PCDHA9: variants seen among roughly 807,000 people sequenced by gnomAD.
PCDHA9 encodes protocadherin alpha 9, also known as protocadherin alpha-9.
Under a neutral mutation model 62.0 loss-of-function variants are expected in PCDHA9, and 62 were observed. The ratio of observed to expected loss-of-function variants is 1.00; its 90% CI spans 0.81 to 1.23. PCDHA9 has a LOEUF of 1.23. PCDHA9 is among the 50% of genes most tolerant of loss of function. The pLI is 0.00. For synonymous variants in PCDHA9, 557 were observed against 567.6 expected, an observed-to-expected ratio of 0.98 and a Z score of 0.27; for missense variants, 1,205 against 1,249.8, an observed-to-expected ratio of 0.96 and a Z score of 0.54.
chr5:140,877,341 C>G, intron 1 of PCDHA9: 3 of 1,614,010 alleles, frequency 1.9e-6, no homozygotes, highest in South Asian at 2.2e-5. Flanking sequence ...TCCCGTTCCA[C>G]GTGGGGCTGT....
chr5:140,927,848 G>A (rs1295513512), intron 1 of PCDHA9: 3 of 1,614,062 alleles, frequency 1.9e-6, no homozygotes, highest in Non-Finnish European at 2.5e-6. Context: ...GGTGTCTTTG[G>A]TTTAGCTAGC....
intron 1 of PCDHA9, among the ~76,000 whole-genome samples, chr5:140,871,977 C>T (rs533366368): frequency 6.6e-6 from 1 of 152,288 alleles, no homozygotes; most frequent in East Asian, 1.9e-4. Flanking sequence ...CTATGATGTC[C>T]AGGTTGGACT....
At chr5:140,927,366 A>C in intron 1 of PCDHA9, 1 of 1,614,088 alleles carries the variant, frequency 6.2e-7, no homozygotes, top group Non-Finnish European at 8.5e-7. Context: ...GCAATGGGAT[A>C]CTAAGCTACA....
At chr5:140,962,770 G>A (rs1387109570) in intron 1 of PCDHA9, among the ~76,000 whole-genome samples, 1 of 152,164 alleles carries the variant, frequency 6.6e-6, no homozygotes, top group Admixed American at 6.5e-5. Flanking sequence ...TTTTTAACAA[G>A]ATGGAATTTT....
At chr5:140,918,941 T>C (rs1476342004) in intron 1 of PCDHA9, among the ~76,000 whole-genome samples, 1 of 152,228 alleles carries the variant, frequency 6.6e-6, no homozygotes, top group East Asian at 1.9e-4. Context: ...TTTGTTATAA[T>C]ATCCTGAACA....
intron 1 of PCDHA9, among the ~76,000 whole-genome samples, chr5:140,890,901 T>C (rs1583031993): frequency 6.6e-6 from 1 of 152,194 alleles, no homozygotes; most frequent in Admixed American, 6.5e-5. Flanking sequence ...TGTCTTTCCA[T>C]GTTAGAATAA....
chr5:140,967,485 C>A lies in PCDHA9; in HGVS notation c.2395-11464C>A, dbSNP rs781948599. 3.7e-6 allele frequency: 6 copies of A among 1,613,056 alleles called. No homozygotes were observed. In the South Asian group the frequency reaches 6.6e-5, roughly 18 times the overall value. On this transcript the variant is annotated intron_variant, in intron 1 of 3. Coordinates refer to ENST00000532602, the MANE Select transcript of PCDHA9 (RefSeq NM_031857.2). ...GGGGGCATCCCAGCCCGCTCGGGTA[C>A]GGCACAGATCTCTGTGCGTGTCCTG...
intron 1 of PCDHA9, chr5:140,870,708 C>A (rs781841032): frequency 1.9e-6 from 3 of 1,613,016 alleles, no homozygotes; most frequent in East Asian, 4.5e-5. Context: ...TCCAGGTGAG[C>A]GCGCGCGATG....
rs201945218 is a variant in PCDHA9 at position 140,849,444 on chromosome 5, A to C, written c.949A>C (p.Lys317Gln). Residue 317 changes from lysine to glutamine, a missense_variant, in exon 1 of 4, where the codon AAG becomes CAG. This residue lies in a region of PCDHA9 where 110 missense variants were observed against 227.2 expected (regional missense o/e 0.48). Transcript: ENST00000532602. Reference sequence around the variant, plus strand: ...GGATTTTGAAGAAAGTAGAGCACACAAGATCCCAGTCGAGGCTGTCGATAA... The same window carrying C: ...GGATTTTGAAGAAAGTAGAGCACACCAGATCCCAGTCGAGGCTGTCGATAA... Reference protein sequence around the residue: ...HMDFEESRAHKIPVEAVDKGF... With the variant: ...HMDFEESRAHQIPVEAVDKGF... The C allele has an allele frequency of 1.8e-4, 290 of 1,585,348 alleles. 21 individuals carry two copies. The highest frequency in any genetic ancestry group is 2.4e-4 in the Non-Finnish European group (278 of 1,160,480).
chr5:140,941,939 T>C (rs2153657014), intron 1 of PCDHA9, among the ~76,000 whole-genome samples: 1 of 152,358 alleles, frequency 6.6e-6, no homozygotes, highest in African/African-American at 2.4e-5. Context: ...TTTGAATTAC[T>C]TTTGTTTTGA....
intron 1 of PCDHA9, chr5:140,927,285 G>T: frequency 1.9e-6 from 3 of 1,614,154 alleles, no homozygotes; most frequent in Non-Finnish European, 2.5e-6. Context: ...ACGTGCAGCT[G>T]CACATCCCCG....
chr5:140,882,775 C>G, intron 1 of PCDHA9: 10 of 1,614,220 alleles, frequency 6.2e-6, no homozygotes, highest in Non-Finnish European at 8.5e-6. Flanking sequence ...CGGCATTGAC[C>G]TACCGACTGG....
intron 3 of PCDHA9, among the ~76,000 whole-genome samples, chr5:140,990,589 C>G (rs1208213426): frequency 6.6e-6 from 1 of 152,196 alleles, no homozygotes; most frequent in African/African-American, 2.4e-5. Flanking sequence ...TTCCTATAAT[C>G]ACCTGGAGTC....
intron 1 of PCDHA9, chr5:140,928,055 C>T (rs1554205406): frequency 8.1e-6 from 13 of 1,614,066 alleles, no homozygotes; most frequent in South Asian, 3.3e-5. Context: ...TTTCAGCTGA[C>T]GGCTTCCTTT....
At chr5:140,978,520 C>T (rs2096807249) in intron 1 of PCDHA9, among the ~76,000 whole-genome samples, 1 of 152,214 alleles carries the variant, frequency 6.6e-6, no homozygotes, top group Non-Finnish European at 1.5e-5. Flanking sequence ...GCAGTCCAGC[C>T]AGGCCAGCAG....
chr5:140,935,045 G>T (rs1382389528), intron 1 of PCDHA9, among the ~76,000 whole-genome samples: 1 of 151,952 alleles, frequency 6.6e-6, no homozygotes, highest in Non-Finnish European at 1.5e-5. Flanking sequence ...TTGATTTCTG[G>T]TATTACAAGA....
At chr5:140,895,863 G>A (rs1450764434) in intron 1 of PCDHA9, among the ~76,000 whole-genome samples, 3 of 152,162 alleles carry the variant, frequency 2.0e-5, no homozygotes, top group African/African-American at 7.2e-5. Flanking sequence ...CCAGGCTGGA[G>A]TGCAATGGCG....
intron 1 of PCDHA9, among the ~76,000 whole-genome samples, chr5:140,891,797 C>A (rs2063254101): frequency 6.6e-6 from 1 of 152,136 alleles, no homozygotes; most frequent in Non-Finnish European, 1.5e-5. Context: ...TATGAGGGAT[C>A]TGCCCTCATG....
At chr5:140,875,465 T>C (rs1466604223) in intron 1 of PCDHA9, 9 of 1,599,572 alleles carry the variant, frequency 5.6e-6, no homozygotes, top group African/African-American at 1.3e-5. Context: ...AGGCCCTCAT[T>C]TTCTGCAATG....
Sources: gnomAD v4.1 joint callset for allele counts (sites outside exome capture counted in the v4.1 genomes callset) on GRCh38, gnomAD v4.1.1 for gene constraint, gnomAD v4.1.1 regional missense constraint, MANE v1.5 for transcripts, NCBI Gene and HGNC (gene_info 2026-07-23, HGNC 2026-07-21) for gene names.